Variants in MORC1 observed in about 807,000 individuals in gnomAD.
The protein encoded by MORC1 is MORC family CW-type zinc finger protein 1.
Under a neutral mutation model 134.9 loss-of-function variants are expected in MORC1, and 59 were observed. The ratio of observed to expected loss-of-function variants is 0.44; its 90% CI spans 0.35 to 0.54. The LOEUF (loss-of-function observed/expected upper bound fraction) is 0.54. Ranked by LOEUF, MORC1 falls within the 20% of genes least tolerant of loss-of-function variation. The probability of loss-of-function intolerance (pLI) is 0.00; values close to 1 mark genes in which losing one functional copy is unlikely to be tolerated. For synonymous variants in MORC1, 395 were observed against 391.7 expected (o/e 1.01, Z -0.10); for missense variants, 947 against 1,134.5 (o/e 0.83, Z 2.37).
At chr3:109,015,224 A>G (rs1948790002) in intron 17 of MORC1, among the ~76,000 whole-genome samples, 1 of 152,116 alleles carries the variant, frequency 6.6e-6, no homozygotes, top group African/African-American at 2.4e-5. Context: ...GCAAGAACAG[A>G]CATAGCAATG....
intron 24 of MORC1, among the ~76,000 whole-genome samples, chr3:108,975,510 T>A (rs1446352709): frequency 6.6e-6 from 1 of 152,200 alleles, no homozygotes; most frequent in African/African-American, 2.4e-5. Flanking sequence ...AACAAGGCAT[T>A]ACATTTCAAC....
intron 3 of MORC1, chr3:109,110,020 C>T (rs1951127509): frequency 6.6e-6 from 1 of 152,186 alleles, no homozygotes; most frequent in Non-Finnish European, 1.5e-5. Context: ...TTTATTGTTT[C>T]CTCAGTTATC....
intron 10 of MORC1, among the ~76,000 whole-genome samples, chr3:109,062,383 GTTCC>G (rs1388741181): frequency 9.3e-5 from 14 of 151,138 alleles, no homozygotes; most frequent in Admixed American, 9.2e-4. Context: ...AGAGAGTTTT[GTTCC>G]TGCAGTAGGA....
chr3:108,981,830 C>T (rs1262335363), intron 23 of MORC1, among the ~76,000 whole-genome samples: 1 of 152,152 alleles, frequency 6.6e-6, no homozygotes, highest in Non-Finnish European at 1.5e-5. Flanking sequence ...CAATACCATT[C>T]AGGACATAGG....
chr3:109,086,842 G>C (rs1390834499), intron 8 of MORC1, among the ~76,000 whole-genome samples: 1 of 151,782 alleles, frequency 6.6e-6, no homozygotes, highest in Non-Finnish European at 1.5e-5. Context: ...AGATACATGG[G>C]AATTTTCTGT....
intron 2 of MORC1, 152 bp from the exon 3 acceptor site, chr3:109,110,935 A>G (rs1951152658): frequency 4.0e-6 from 2 of 496,738 alleles, no homozygotes; most frequent in East Asian, 3.5e-5. Context: ...TTATATCATA[A>G]GACCTATGAT....
chr3:109,114,442 T>G lies in MORC1; in HGVS notation c.66-5A>C. 6.2e-7 allele frequency: 1 copy of G among 1,612,278 alleles called. No individual in the cohort carries two copies. The highest frequency in any genetic ancestry group is 8.5e-7 in the Non-Finnish European group (1 of 1,178,912). ...AAAAGGAAACTGTGAGTGGTGCTGA[T>G]GAAGAAATAAAGAGAAAACAAAAAG... On this transcript the variant is annotated splice_polypyrimidine_tract_variant and splice_region_variant and intron_variant, in intron 1 of 27. Coordinates refer to ENST00000232603, the MANE Select transcript of MORC1 (RefSeq NM_014429.4).
At chr3:108,985,583 T>C (rs1947874575) in intron 22 of MORC1, among the ~76,000 whole-genome samples, 1 of 152,188 alleles carries the variant, frequency 6.6e-6, no homozygotes, top group African/African-American at 2.4e-5. Flanking sequence ...TGGACAGATG[T>C]TTTCCAACCA....
At chr3:108,991,188 A>G (rs1036663413) in intron 21 of MORC1, among the ~76,000 whole-genome samples, 1 of 152,206 alleles carries the variant, frequency 6.6e-6, no homozygotes, top group Non-Finnish European at 1.5e-5. Flanking sequence ...TGTTCTGAGT[A>G]GGAGAATGAC....
intron 8 of MORC1, among the ~76,000 whole-genome samples, chr3:109,081,907 G>T (rs563554524): frequency 5.9e-5 from 9 of 152,276 alleles, no homozygotes; most frequent in African/African-American, 1.9e-4. Context: ...TCCCCAGCAG[G>T]AGATCTGTCC....
intron 8 of MORC1, among the ~76,000 whole-genome samples, chr3:109,084,554 A>C (rs146641753): frequency 6.6e-6 from 1 of 152,268 alleles, no homozygotes; most frequent in East Asian, 1.9e-4. Context: ...TGGAAGAATT[A>C]ATGTTGTTAA....
chr3:109,040,523 A>G (rs1457731344), intron 14 of MORC1, among the ~76,000 whole-genome samples: 1 of 151,808 alleles, frequency 6.6e-6, no homozygotes, highest in Non-Finnish European at 1.5e-5. Context: ...AGAAAGAAAC[A>G]AAGAAATAAA....
At chr3:109,005,041 G>A (rs762620711) in intron 19 of MORC1, 29 bp downstream of exon 19, 12 of 1,592,666 alleles carry the variant, frequency 7.5e-6, no homozygotes, top group Non-Finnish European at 1.0e-5. Flanking sequence ...TGAGTGAATT[G>A]TTTTGTGAAT....
intron 14 of MORC1, among the ~76,000 whole-genome samples, chr3:109,040,827 G>T (rs1226702098): frequency 5.1e-4 from 11 of 21,578 alleles, no homozygotes; most frequent in African/African-American, 1.5e-3. Context: ...AAAACTCTGT[G>T]TCAAAAAAAA....
chr3:109,047,189 A>C (rs546132701), intron 14 of MORC1, among the ~76,000 whole-genome samples: 1 of 152,150 alleles, frequency 6.6e-6, no homozygotes, highest in African/African-American at 2.4e-5. Flanking sequence ...CATATTGTAC[A>C]TTAGGTTTCT....
At chr3:108,979,481 A>C in intron 24 of MORC1, 34 bp downstream of exon 24, 1 of 1,606,624 alleles carries the variant, frequency 6.2e-7, no homozygotes, top group Non-Finnish European at 8.5e-7. Context: ...AAGTTAAACA[A>C]AGCATGTGGA....
chr3:108,977,481 T>G (rs536554129), intron 24 of MORC1, among the ~76,000 whole-genome samples: 1 of 152,246 alleles, frequency 6.6e-6, no homozygotes, highest in East Asian at 1.9e-4. Context: ...CCTCCCAAAG[T>G]ACTGGGATAA....
intron 27 of MORC1, among the ~76,000 whole-genome samples, chr3:108,960,580 G>A (rs2107342318): frequency 6.6e-6 from 1 of 152,168 alleles, no homozygotes; most frequent in South Asian, 2.1e-4. Context: ...TTTTTTGAGG[G>A]CCAAAGAACA....
At chr3:109,111,488 T>G (rs1193161815) in intron 2 of MORC1, among the ~76,000 whole-genome samples, 2 of 151,924 alleles carry the variant, frequency 1.3e-5, no homozygotes, top group Admixed American at 6.5e-5. Flanking sequence ...TGATGAAGAC[T>G]GTTTTAAAAA....
Sources: gnomAD v4.1 joint callset for allele counts (sites outside exome capture counted in the v4.1 genomes callset) on GRCh38, gnomAD v4.1.1 for gene constraint, MANE v1.5 for transcripts, NCBI Gene and HGNC (gene_info 2026-07-23, HGNC 2026-07-21) for gene names.